The following CCNB1 variants were observed in gnomAD, a reference collection of about 807,000 sequenced individuals.
CCNB1 encodes cyclin B1, also known as G2/mitotic-specific cyclin-B1.
CCNB1 carries 26 observed loss-of-function variants against 44.4 expected under a neutral mutation model. The observed-to-expected ratio is 0.59, with a 90% CI of 0.43 to 0.81. CCNB1 has a LOEUF of 0.81. Ranked by LOEUF, CCNB1 falls within the 40% of genes least tolerant of loss-of-function variation. The pLI, the probability that CCNB1 is intolerant of heterozygous loss-of-function variation, is 0.00. For missense variants in CCNB1, 477 were observed against 520.9 expected (o/e 0.92, Z 0.82); for synonymous variants, 195 against 181.4 (o/e 1.08, Z -0.60).
rs1430743019 is a variant in CCNB1 at position 69,167,941 on chromosome 5, A to T, written c.55A>T (p.Ile19Phe). 3 of 1,612,308 alleles carry T rather than the reference A, an allele frequency of 1.9e-6. No individual in the cohort carries two copies. The highest frequency in any genetic ancestry group is 2.5e-6 in the Non-Finnish European group (3 of 1,179,636). Residue 19 changes from isoleucine to phenylalanine, a missense_variant, in exon 2 of 9, where the codon ATC (isoleucine) becomes TTC (phenylalanine). Ile to Phe is a conservative substitution (Grantham distance 21). Coordinates refer to ENST00000256442, the MANE Select transcript of CCNB1 (RefSeq NM_031966.4). The part of the protein sequence containing the change: ...SKINAENKAK[I>F]NMAGAKRVPT... The stretch of plus-strand genomic sequence containing the variant: ...AATTAATGCTGAAAATAAGGCGAAG[A>T]TCAACATGGCAGGCGCAAAGCGCGT...
chr5:69,171,125 GA>G (rs1280845265), intron 3 of CCNB1, 144 bp from the exon 4 acceptor site: 1 of 612,126 alleles, frequency 1.6e-6, no homozygotes, highest in Non-Finnish European at 2.8e-6. Flanking sequence ...GAATAAATCT[GA>G]AAAGATACTT....
At chr5:69,172,804 C>T (rs1394584103) in intron 4 of CCNB1, among the ~76,000 whole-genome samples, 5 of 128,194 alleles carry the variant, frequency 3.9e-5, no homozygotes, top group Admixed American at 1.8e-4. Context: ...GACAGAGTCT[C>T]GCTGTGTCAC....
chr5:69,174,312 C>A lies in CCNB1; in HGVS notation c.608C>A (p.Ala203Asp), dbSNP rs574841092. 1.9e-5 allele frequency: 31 copies of A among 1,614,028 alleles called. No homozygotes were observed. In the South Asian group the frequency reaches 3.2e-4, roughly 17 times the overall value. Reference sequence around the variant, plus strand: ...CGGGAAGTCACTGGAAACATGAGAGCCATCCTAATTGACTGGCTAGTACAG... The same window carrying A: ...CGGGAAGTCACTGGAAACATGAGAGACATCCTAATTGACTGGCTAGTACAG... ...LGREVTGNMR[A>D]ILIDWLVQVQ... Residue 203 changes from alanine (A) to aspartate (D), a missense_variant, in exon 5 of 9, where the codon GCC (alanine) becomes GAC (aspartate). Transcript: ENST00000256442.
chr5:69,174,214 T>A, intron 4 of CCNB1, 37 bp from the exon 5 acceptor site: 1 of 1,600,294 alleles, frequency 6.2e-7, no homozygotes, highest in Non-Finnish European at 8.5e-7. Context: ...TCACATGGAG[T>A]CATGTTTCTA....
At position 69,171,255 on chromosome 5, in the gene CCNB1, T is replaced by C. The variant is rs1261189918; in HGVS notation, c.364-15T>C. ...TACTTCTATTTGCTATTTCAAGATA[T>C]CTCTTTGTTTCAAGGTTGATACTGC... On this transcript the variant is annotated splice_polypyrimidine_tract_variant and intron_variant, in intron 3 of 8. Coordinates refer to ENST00000256442, the MANE Select transcript of CCNB1 (RefSeq NM_031966.4). 13 of 1,592,720 alleles carry C rather than the reference T, an allele frequency of 8.2e-6. No individual in the cohort carries two copies. Among genetic ancestry groups the C allele is most frequent in the South Asian group, 1.1e-5 (1 of 87,528 alleles).
intron 3 of CCNB1, 63 bp downstream of exon 3, chr5:69,168,406 C>T (rs754212640): frequency 4.5e-6 from 7 of 1,561,844 alleles, no homozygotes; most frequent in Non-Finnish European, 6.2e-6. Flanking sequence ...TTCACTGATA[C>T]ATGCAAGAGC....
In CCNB1 at chr5:69,177,264, CAT is replaced by C; in HGVS notation, c.1113_1114del (p.Thr372Ter). On this transcript the variant is annotated frameshift_variant, in exon 8 of 9. Coordinates refer to ENST00000256442, the MANE Select transcript of CCNB1 (RefSeq NM_031966.4). LOFTEE classifies it high-confidence loss of function. The stretch of plus-strand genomic sequence containing the variant: ...ACACCAACTCTACAACATTACCTGT[CAT>C]ATACTGAAGAATCTCTTCTTCCAGT... 1 of 1,609,746 alleles carries C rather than the reference CAT, an allele frequency of 6.2e-7. No homozygotes were observed. Among genetic ancestry groups the C allele is most frequent in the South Asian group, 1.1e-5 (1 of 90,880 alleles).
chr5:69,174,679 C>T (rs373944448), intron 5 of CCNB1, among the ~76,000 whole-genome samples, 198 bp from the exon 6 acceptor site: 4 of 151,878 alleles, frequency 2.6e-5, no homozygotes, highest in African/African-American at 9.7e-5. Context: ...CACGCCATTG[C>T]ACTCCAGCCT....
chr5:69,170,292 C>A (rs549891877), intron 3 of CCNB1, among the ~76,000 whole-genome samples: 1 of 152,172 alleles, frequency 6.6e-6, no homozygotes, highest in South Asian at 2.1e-4. Flanking sequence ...TATTTCTTTA[C>A]TTTGTCTACT....
At position 69,168,203 on chromosome 5, in the gene CCNB1, A is replaced by C. The variant is rs374129207; in HGVS notation, c.223A>C (p.Ile75Leu). ...EAKPSATGKV[I>L]DKKLPKPLEK... ...AAAACCTTCAGCTACTGGAAAAGTC[A>C]TTGATAAAAAACTACCAAAACCTCT... The change falls in exon 3 of 9, where the codon ATT (isoleucine) becomes CTT (leucine). Residue 75 changes from isoleucine (I) to leucine (L), a missense_variant. Ile to Leu is a conservative substitution (Grantham distance 5, BLOSUM62 2). Transcript: ENST00000256442. 3.1e-6 allele frequency: 5 copies of C among 1,614,234 alleles called. No individual in the cohort carries two copies. Among genetic ancestry groups the C allele is most frequent in the Non-Finnish European group, 4.2e-6 (5 of 1,180,040 alleles).
chr5:69,171,581 C>T (rs373027578), intron 4 of CCNB1, 129 bp downstream of exon 4: 61 of 624,582 alleles, frequency 9.8e-5, no homozygotes, highest in South Asian at 6.0e-4. Flanking sequence ...TTCAAATTCT[C>T]CTTCATGGAA....
intron 3 of CCNB1, among the ~76,000 whole-genome samples, chr5:69,170,654 T>G (rs992417312): frequency 2.8e-5 from 4 of 145,280 alleles, no homozygotes; most frequent in African/African-American, 5.2e-5. Flanking sequence ...CATTTCACTG[T>G]TTTTTTTTTT....
chr5:69,174,060 C>G (rs1266252150), intron 4 of CCNB1, among the ~76,000 whole-genome samples, 191 bp from the exon 5 acceptor site: 1 of 152,106 alleles, frequency 6.6e-6, no homozygotes, highest in Non-Finnish European at 1.5e-5. Flanking sequence ...TGAGCCACCA[C>G]GCCAGCCTTC....
intron 1 of CCNB1, 144 bp downstream of exon 1, chr5:69,167,427 G>A (rs749186511): frequency 5.0e-6 from 4 of 803,708 alleles, no homozygotes; most frequent in Non-Finnish European, 6.2e-6. Context: ...CCAAGAGAGC[G>A]CCGAGGTGGG....
intron 7 of CCNB1, 84 bp downstream of exon 7, chr5:69,175,621 C>T: frequency 7.9e-7 from 1 of 1,270,340 alleles, no homozygotes; most frequent in South Asian, 1.4e-5. Flanking sequence ...AAAGGCAATT[C>T]AAGTGGTTCA....
chr5:69,172,922 C>T (rs989040395), intron 4 of CCNB1, among the ~76,000 whole-genome samples: 52 of 151,692 alleles, frequency 3.4e-4, no homozygotes, highest in Non-Finnish European at 5.2e-4. Flanking sequence ...TACAGGCATC[C>T]GCCACCACGC....
chr5:69,174,829 G>C, intron 5 of CCNB1, 48 bp from the exon 6 acceptor site: 1 of 1,434,118 alleles, frequency 7.0e-7, no homozygotes, highest in Non-Finnish European at 9.8e-7. Flanking sequence ...ATAGCTCTGT[G>C]TCTCCTTTTC....
At position 69,174,306 on chromosome 5, in the gene CCNB1, T is replaced by A; in HGVS notation, c.602T>A (p.Met201Lys). ...YLLGREVTGN[M>K]RAILIDWLVQ... ...CTGGGTCGGGAAGTCACTGGAAACA[T>A]GAGAGCCATCCTAATTGACTGGCTA... Residue 201 changes from methionine (M) to lysine (K), a missense_variant, in exon 5 of 9, where the codon ATG becomes AAG. Coordinates refer to ENST00000256442, the MANE Select transcript of CCNB1 (RefSeq NM_031966.4). 1 of 1,614,082 alleles carries A rather than the reference T, an allele frequency of 6.2e-7. No homozygotes were observed. Among genetic ancestry groups the A allele is most frequent in the Non-Finnish European group, 8.5e-7 (1 of 1,179,994 alleles).
rs1187523348 is a variant in CCNB1 at position 69,177,594 on chromosome 5, T to C, written c.1265T>C (p.Leu422Pro). 5.6e-6 allele frequency: 9 copies of C among 1,613,270 alleles called. No homozygotes were observed. In the South Asian group the frequency reaches 8.8e-5, roughly 16 times the overall value. The change falls in exon 9 of 9, where the codon CTA (leucine) becomes CCA (proline). Residue 422 changes from leucine to proline, a missense_variant. By Grantham distance (98) the Leu-to-Pro change is moderately conservative. Transcript: ENST00000256442. The stretch of plus-strand genomic sequence containing the variant: ...ACTCTACCACAGCTGAATTCTGCAC[T>C]AGTTCAAGATTTAGCCAAGGCTGTG... ...ISTLPQLNSA[L>P]VQDLAKAVAK...
Sources: gnomAD v4.1 joint callset for allele counts (sites outside exome capture counted in the v4.1 genomes callset) on GRCh38, gnomAD v4.1.1 for gene constraint, MANE v1.5 for transcripts, NCBI Gene and HGNC (gene_info 2026-07-23, HGNC 2026-07-21) for gene names.